C2orf76: variants seen among roughly 807,000 people sequenced by gnomAD.
C2orf76 encodes the protein chromosome 2 open reading frame 76.
In C2orf76, 23 loss-of-function variants were observed where a neutral mutation model predicts 16.9. The ratio of observed to expected loss-of-function variants is 1.36; its 90% CI spans 0.98 to 1.93. The LOEUF (loss-of-function observed/expected upper bound fraction) is 1.93, where lower values mean the gene tolerates loss of function less well. C2orf76 is among the 30% of genes most tolerant of loss of function. C2orf76 has a pLI of 0.00. For missense variants in C2orf76, 152 were observed against 152.6 expected (o/e 1.00, Z 0.02); for synonymous variants, 48 against 52.3 (o/e 0.92, Z 0.35).
the C2orf76 span, among the ~76,000 whole-genome samples, chr2:119,289,399 G>T: frequency 7.9e-5 from 12 of 151,856 alleles, no homozygotes; most frequent in African/African-American, 2.9e-4. Flanking sequence ...GCATTAAAGC[G>T]CAGGGTGGCC....
intron 2 of C2orf76, among the ~76,000 whole-genome samples, chr2:119,339,427 C>A (rs1057338480): frequency 2.0e-5 from 3 of 152,242 alleles, no homozygotes; most frequent in African/African-American, 7.2e-5. Context: ...GTACAGCCTC[C>A]GCTCCCCTCC....
chr2:119,291,981 C>CA, the C2orf76 span, among the ~76,000 whole-genome samples: 1 of 152,228 alleles, frequency 6.6e-6, no homozygotes, highest in South Asian at 2.1e-4. Context: ...GTCACACCTC[C>CA]AAGCTAGCAA....
intron 2 of C2orf76, among the ~76,000 whole-genome samples, chr2:119,328,550 AG>A (rs1199088195): frequency 6.6e-6 from 1 of 152,128 alleles, no homozygotes; most frequent in African/African-American, 2.4e-5. Context: ...TTGATCTCCA[AG>A]AATCAACTTT....
chr2:119,315,960 A>G (rs924729527), intron 4 of C2orf76, among the ~76,000 whole-genome samples: 3 of 152,230 alleles, frequency 2.0e-5, no homozygotes, highest in Non-Finnish European at 4.4e-5. Flanking sequence ...TAAAGGAATA[A>G]TTTACTACTT....
At chr2:119,323,185 C>T (rs540107251) in intron 2 of C2orf76, among the ~76,000 whole-genome samples, 2 of 137,808 alleles carry the variant, frequency 1.5e-5, no homozygotes, top group African/African-American at 2.9e-5. Flanking sequence ...CCCATAGTCC[C>T]GGCATTTTTT....
chr2:119,339,832 T>C lies in C2orf76; in HGVS notation c.128A>G (p.Lys43Arg), dbSNP rs769440068. Reference protein sequence around the residue: ...QTVKEFIVFLKQDIPLRTNLP... With the variant: ...QTVKEFIVFLRQDIPLRTNLP... ...ATGGCTTTCACATCTCATACCTTGC[T>C]TTAGAAATACGATAAATTCCTTTAC... Residue 43 changes from lysine to arginine, a missense_variant, in exon 2 of 6, where the codon AAG becomes AGG. Lys to Arg is a conservative substitution (Grantham distance 26). Coordinates refer to ENST00000334816, the MANE Select transcript of C2orf76 (RefSeq NM_001322331.2). 1.3e-6 allele frequency: 2 copies of C among 1,596,952 alleles called. No homozygotes were observed. Among genetic ancestry groups the C allele is most frequent in the East Asian group, 4.5e-5 (2 of 44,450 alleles).
intron 1 of C2orf76, among the ~76,000 whole-genome samples, chr2:119,352,125 G>A (rs1195446460): frequency 2.7e-5 from 4 of 150,904 alleles, no homozygotes; most frequent in East Asian, 3.8e-4. Context: ...AACCACTTGC[G>A]CACTGACTGA....
downstream of C2orf76, among the ~76,000 whole-genome samples, chr2:119,301,679 G>A (rs142076701): frequency 5.9e-4 from 90 of 152,238 alleles, 1 homozygote; most frequent in Middle Eastern, 3.4e-3. Flanking sequence ...AGGTGCTGGC[G>A]GTCAGCCATA....
chr2:119,301,166 C>T (rs922453578), downstream of C2orf76, among the ~76,000 whole-genome samples: 1 of 151,850 alleles, frequency 6.6e-6, no homozygotes, highest in Non-Finnish European at 1.5e-5. Context: ...AAATCATTTG[C>T]TTGTACTATG....
intron 1 of C2orf76, among the ~76,000 whole-genome samples, chr2:119,350,392 G>A (rs751638884): frequency 1.3e-5 from 2 of 152,120 alleles, no homozygotes; most frequent in Non-Finnish European, 2.9e-5. Context: ...CCTAGGGCTT[G>A]GGAAGGTCTT....
chr2:119,302,220 C>A, downstream of C2orf76: 1 of 292,006 alleles, frequency 3.4e-6, no homozygotes, highest in African/African-American at 2.2e-5. Context: ...ATCAATATTC[C>A]ACAATAATTT....
intron 2 of C2orf76, among the ~76,000 whole-genome samples, chr2:119,328,696 T>G (rs542761173): frequency 1.3e-5 from 2 of 152,208 alleles, no homozygotes; most frequent in African/African-American, 2.4e-5. Flanking sequence ...ATCATTGATT[T>G]GAAACCTTTT....
At chr2:119,305,837 CT>C (rs1235434737) in intron 5 of C2orf76, among the ~76,000 whole-genome samples, 1 of 150,184 alleles carries the variant, frequency 6.7e-6, no homozygotes. Flanking sequence ...AGTGCTGTGC[CT>C]TTTATTTCAT....
chr2:119,362,860 C>T (rs1483616040), intron 1 of C2orf76, among the ~76,000 whole-genome samples: 1 of 152,178 alleles, frequency 6.6e-6, no homozygotes. Flanking sequence ...TAAACATGTG[C>T]ATGCCACACC....
chr2:119,363,407 G>A (rs1009406606), intron 1 of C2orf76, among the ~76,000 whole-genome samples: 36 of 147,534 alleles, frequency 2.4e-4, no homozygotes, highest in Non-Finnish European at 3.1e-4. Flanking sequence ...CTGGGCGACA[G>A]AGCAAGACTC....
intron 1 of C2orf76, among the ~76,000 whole-genome samples, chr2:119,356,136 C>T (rs1680564121): frequency 6.6e-6 from 1 of 152,188 alleles, no homozygotes; most frequent in African/African-American, 2.4e-5. Flanking sequence ...GGTTCGGTGG[C>T]TCTCAGTTGT....
At chr2:119,332,289 A>AG (rs941108916) in intron 2 of C2orf76, among the ~76,000 whole-genome samples, 1 of 151,998 alleles carries the variant, frequency 6.6e-6, no homozygotes, top group South Asian at 2.1e-4. Context: ...AAAGGAAAAA[A>AG]AAAATAAAAC....
At chr2:119,306,278 G>T (rs1334003573) in intron 5 of C2orf76, among the ~76,000 whole-genome samples, 1 of 152,174 alleles carries the variant, frequency 6.6e-6, no homozygotes, top group African/African-American at 2.4e-5. Flanking sequence ...GAAAGAGAAG[G>T]GGGAGCCACA....
intron 2 of C2orf76, among the ~76,000 whole-genome samples, chr2:119,332,835 A>G (rs936752569): frequency 3.3e-5 from 5 of 152,114 alleles, no homozygotes; most frequent in African/African-American, 1.2e-4. Flanking sequence ...GGCTCAAGCA[A>G]TCCTCCCATC....
Sources: allele counts gnomAD v4.1 joint callset (sites outside exome capture counted in the v4.1 genomes callset), GRCh38; gene constraint gnomAD v4.1.1; transcripts MANE v1.5; gene names NCBI Gene and HGNC (gene_info 2026-07-23, HGNC 2026-07-21).